Variants in GRIA3 observed in about 807,000 individuals in gnomAD.
The protein encoded by GRIA3 is glutamate ionotropic receptor AMPA type subunit 3.
GRIA3 carries 3 observed loss-of-function variants against 63.0 expected under a neutral mutation model. The observed-to-expected ratio is 0.05, with a 90% CI of 0.02 to 0.12. The LOEUF is 0.12. Ranked by LOEUF, GRIA3 falls within the 10% of genes least tolerant of loss-of-function variation. GRIA3 has a pLI of 1.00. For missense variants in GRIA3, 347 were observed against 700.9 expected (o/e 0.50, Z 5.70); for synonymous variants, 274 against 257.9 (o/e 1.06, Z -0.60).
At chrX:123,483,789 G>A (rs1193670630) in intron 15 of GRIA3, among the ~76,000 whole-genome samples, 2 of 111,256 alleles carry the variant, frequency 1.8e-5, no homozygotes, top group African/African-American at 6.5e-5. Flanking sequence ...AAAATTAGGC[G>A]GGCATAGTGG....
At position 123,184,467 on chromosome X, in the gene GRIA3, T is replaced by A. The variant is rs1927188967; in HGVS notation, c.-69T>A. 1.2e-6 allele frequency: 1 copy of A among 836,572 alleles called. No homozygotes were observed. Among genetic ancestry groups the A allele is most frequent in the East Asian group, 3.1e-5 (1 of 31,980 alleles). The allele number at this position is 836,572 out of a possible 1,213,427, so 68.9% of individuals were successfully genotyped here. A position where few individuals can be genotyped will look rare whatever the true frequency, so the allele number is the denominator to read the frequency against. Reference sequence around the variant, plus strand: ...GTAAGAGCCAGCGAATTCTTTTTCTTTTTCTATTATTATTTTGACGACTCC... The same window carrying A: ...GTAAGAGCCAGCGAATTCTTTTTCTATTTCTATTATTATTTTGACGACTCC... On this transcript the variant is annotated 5_prime_UTR_variant, in exon 1 of 16. Transcript: ENST00000620443.
chrX:123,184,720 C>A, intron 1 of GRIA3, 76 bp downstream of exon 1: 1 of 547,258 alleles, frequency 1.8e-6, no homozygotes, highest in Non-Finnish European at 2.9e-6. Flanking sequence ...GCTTTCCCTG[C>A]GGTGGGTCCC....
intron 4 of GRIA3, among the ~76,000 whole-genome samples, chrX:123,341,666 G>A (rs1447389064): frequency 8.9e-6 from 1 of 112,301 alleles, no homozygotes; most frequent in African/African-American, 3.2e-5. Context: ...AGTTCTGTGG[G>A]TGCATCTAAG....
chrX:123,463,030 A>G (rs984713144), intron 12 of GRIA3, among the ~76,000 whole-genome samples: 6 of 111,492 alleles, frequency 5.4e-5, no homozygotes, highest in Non-Finnish European at 1.1e-4. Flanking sequence ...GACCACCTGA[A>G]TTGAAATGAA....
chrX:123,406,154 G>C (rs962496285), intron 10 of GRIA3, among the ~76,000 whole-genome samples: 1 of 112,730 alleles, frequency 8.9e-6, no homozygotes, highest in Non-Finnish European at 1.9e-5. Flanking sequence ...TGAGGCACAT[G>C]TAAATAAGCA....
intron 4 of GRIA3, among the ~76,000 whole-genome samples, chrX:123,328,670 G>T (rs2044921623): frequency 8.9e-6 from 1 of 111,784 alleles, no homozygotes; most frequent in Non-Finnish European, 1.9e-5. Context: ...ACATAGTGTT[G>T]GATGAATGAA....
At chrX:123,206,099 A>G (rs771264602) in intron 2 of GRIA3, among the ~76,000 whole-genome samples, 11 of 112,013 alleles carry the variant, frequency 9.8e-5, no homozygotes, top group East Asian at 5.6e-4. Context: ...TCTGGAAAAC[A>G]TAACTCATGT....
intron 12 of GRIA3, among the ~76,000 whole-genome samples, chrX:123,438,661 T>A (rs1334997056): frequency 1.8e-5 from 2 of 112,240 alleles, no homozygotes; most frequent in African/African-American, 3.2e-5. Flanking sequence ...TAGCTGGGAT[T>A]ACAGGCGCAT....
intron 4 of GRIA3, among the ~76,000 whole-genome samples, chrX:123,335,296 T>C (rs1362628200): frequency 9.0e-6 from 1 of 111,094 alleles, no homozygotes; most frequent in African/African-American, 3.3e-5. Flanking sequence ...AACGTCTGCA[T>C]TAAAAAGAGT....
At chrX:123,424,694 T>A (rs1159510649) in intron 11 of GRIA3, among the ~76,000 whole-genome samples, 1 of 111,569 alleles carries the variant, frequency 9.0e-6, no homozygotes, top group Non-Finnish European at 1.9e-5. Context: ...AATGACCATT[T>A]TGCATTTAGA....
chrX:123,391,153 G>T (rs778560000), intron 5 of GRIA3, among the ~76,000 whole-genome samples: 5 of 111,189 alleles, frequency 4.5e-5, no homozygotes, highest in Non-Finnish European at 7.5e-5. Context: ...ATTTCTTTTT[G>T]ATTGGGATCT....
chrX:123,416,960 G>C (rs748539159), intron 10 of GRIA3, among the ~76,000 whole-genome samples: 2 of 112,427 alleles, frequency 1.8e-5, no homozygotes, highest in Admixed American at 1.9e-4. Flanking sequence ...TCATGGTGTA[G>C]AGTGAAGCAG....
rs137859146 is a variant in GRIA3, at chrX:123,205,188, A to G, written c.268+19198A>G. Among the ~76,000 whole-genome samples the G allele has an allele frequency of 5.0e-3, 561 of 111,947 alleles. 3 individuals carry two copies. The highest frequency in any genetic ancestry group is 0.016 in the African/African-American group (493 of 30,785). ...AAGGAGTTAAAGTGTTTTTCCCAGTAAGTGGCTGGGGTGAGACTCAAACCT... is the reference window on the plus strand; with the variant it reads ...AAGGAGTTAAAGTGTTTTTCCCAGTGAGTGGCTGGGGTGAGACTCAAACCT... On this transcript the variant is annotated intron_variant, in intron 2 of 15. Coordinates refer to ENST00000620443, the MANE Select transcript of GRIA3 (RefSeq NM_007325.5).
intron 5 of GRIA3, among the ~76,000 whole-genome samples, chrX:123,380,182 T>C (rs2045314221): frequency 9.0e-6 from 1 of 111,403 alleles, no homozygotes; most frequent in Admixed American, 9.5e-5. Flanking sequence ...CTGGGTCAAA[T>C]GGTATTTCTA....
intron 1 of GRIA3, 59 bp downstream of exon 1, chrX:123,184,703 C>A: frequency 1.3e-6 from 1 of 784,276 alleles, no homozygotes; most frequent in Non-Finnish European, 1.9e-6. Flanking sequence ...ACCACTGCCC[C>A]GGCAAGGCTT....
intron 5 of GRIA3, among the ~76,000 whole-genome samples, chrX:123,365,970 G>C (rs975747247): frequency 9.0e-6 from 1 of 111,610 alleles, no homozygotes; most frequent in African/African-American, 3.3e-5. Context: ...AGTTTTCTGG[G>C]AAAGTGGTGG....
At chrX:123,315,960 G>C (rs991379792) in intron 3 of GRIA3, among the ~76,000 whole-genome samples, 1 of 105,255 alleles carries the variant, frequency 9.5e-6, no homozygotes, top group Non-Finnish European at 1.9e-5. Flanking sequence ...TGGATTGCTT[G>C]AGCCCAAGAG....
intron 5 of GRIA3, among the ~76,000 whole-genome samples, chrX:123,376,838 AAGAC>A (rs2045287264): frequency 9.9e-6 from 1 of 100,853 alleles, no homozygotes; most frequent in Admixed American, 1.1e-4. Flanking sequence ...CATAAGAGGA[AAGAC>A]AGCATCAGGT....
intron 3 of GRIA3, among the ~76,000 whole-genome samples, chrX:123,270,630 C>T (rs1013431509): frequency 2.7e-5 from 3 of 112,214 alleles, no homozygotes; most frequent in Non-Finnish European, 5.6e-5. Context: ...CCTGAGGATT[C>T]AATCCCAGCT....
Sources: allele counts gnomAD v4.1 joint callset (sites outside exome capture counted in the v4.1 genomes callset), GRCh38; gene constraint gnomAD v4.1.1; transcripts MANE v1.5; gene names NCBI Gene and HGNC (gene_info 2026-07-23, HGNC 2026-07-21).